The following CAP1 variants were observed in gnomAD, a reference collection of about 807,000 sequenced individuals.
The protein encoded by CAP1 is cyclase associated actin cytoskeleton regulatory protein 1.
Under a neutral mutation model 58.2 loss-of-function variants are expected in CAP1, and 11 were observed. That is an observed-to-expected ratio of 0.19 (90% CI 0.12 to 0.31). CAP1 has a LOEUF of 0.31. Ranked by LOEUF, CAP1 falls within the 10% of genes least tolerant of loss-of-function variation. The probability of loss-of-function intolerance (pLI) is 1.00; values close to 1 mark genes in which losing one functional copy is unlikely to be tolerated. For missense variants in CAP1, 423 were observed against 587.5 expected (o/e 0.72, Z 2.89); for synonymous variants, 183 against 213.8 (o/e 0.86, Z 1.26).
chr1:40,055,001 A>G (rs904743138), intron 1 of CAP1, among the ~76,000 whole-genome samples: 10 of 152,202 alleles, frequency 6.6e-5, no homozygotes, highest in African/African-American at 2.4e-4. Context: ...TGACACAGAT[A>G]AGTGCACAGT....
In CAP1 at chr1:40,053,116, C is replaced by T. The variant is rs548270553; in HGVS notation, c.-10-6221C>T. ...GCAGGTGCCTGTAGTCCCAGCTACT[C>T]GGGAAGCTGAGGCAGGAGAATTGCT... On this transcript the variant is annotated intron_variant, in intron 1 of 12. Transcript: ENST00000372805. Among the ~76,000 whole-genome samples the T allele has an allele frequency of 3.9e-5, 6 of 152,046 alleles. No individual in the cohort carries two copies. The South Asian group carries it at 6.2e-4, about 16-fold the overall frequency.
rs573463370 is a variant in CAP1 at position 40,051,594 on chromosome 1, G to A, written c.-10-7743G>A. Among the ~76,000 whole-genome samples, 59 of 152,006 alleles carry A rather than the reference G, an allele frequency of 3.9e-4. 1 individual carries two copies. Among genetic ancestry groups the A allele is most frequent in the African/African-American group, 1.3e-3 (56 of 41,486 alleles). ...TTTTTGTTTTGTTTTTTTGTTTTTTGAGATGGAGTCTCACTCTGTCGCCCA... is the reference window on the plus strand; with the variant it reads ...TTTTTGTTTTGTTTTTTTGTTTTTTAAGATGGAGTCTCACTCTGTCGCCCA... On this transcript the variant is annotated intron_variant, in intron 1 of 12. Coordinates refer to ENST00000372805, the MANE Select transcript of CAP1 (RefSeq NM_006367.4).
At chr1:40,065,001 A>G (rs1394045604) in intron 6 of CAP1, among the ~76,000 whole-genome samples, 1 of 152,110 alleles carries the variant, frequency 6.6e-6, no homozygotes, top group Non-Finnish European at 1.5e-5. Context: ...CTTTACAGAT[A>G]TTGTCTCACA....
chr1:40,059,589 C>A, intron 2 of CAP1, 131 bp downstream of exon 2: 1 of 613,468 alleles, frequency 1.6e-6, no homozygotes, highest in Non-Finnish European at 3.0e-6. Context: ...ATTTGTATTG[C>A]TGTGAACAGA....
At chr1:40,070,305 C>T (rs748419877) in intron 10 of CAP1, 23 bp downstream of exon 10, 31 of 1,613,670 alleles carry the variant, frequency 1.9e-5, no homozygotes, top group South Asian at 8.8e-5. Context: ...CGCTGTCCCA[C>T]GCAAGCCCCG....
chr1:40,054,150 T>C (rs1646505936), intron 1 of CAP1, among the ~76,000 whole-genome samples: 1 of 152,048 alleles, frequency 6.6e-6, no homozygotes, highest in Non-Finnish European at 1.5e-5. Flanking sequence ...AGAGCCTTTA[T>C]TTATTTATTT....
chr1:40,059,430 C>T lies in CAP1; in HGVS notation c.84C>T (p.His28=), dbSNP rs1236024725. The T allele has an allele frequency of 6.2e-7, 1 of 1,610,336 alleles. No homozygotes were observed. Among genetic ancestry groups the T allele is most frequent in the Non-Finnish European group, 8.5e-7 (1 of 1,176,570 alleles). Residue 28 remains histidine (H), a synonymous_variant, in exon 2 of 13, where the codon CAC becomes CAT. Transcript: ENST00000372805. ...LEAVSHTSDM[H]RGYADSPSKA... ...CAGTATCTCATACCTCTGACATGCA[C>T]CGTGGGTATGCAGACAGTCCTTCAA...
At chr1:40,061,714 G>A in intron 3 of CAP1, 21 bp from the exon 4 acceptor site, 1 of 1,606,586 alleles carries the variant, frequency 6.2e-7, no homozygotes, top group Non-Finnish European at 8.5e-7. Context: ...GTCATCAATA[G>A]CTGATTCTTC....
At position 40,070,754 on chromosome 1, in the gene CAP1, C is replaced by T. The variant is rs1194483531; in HGVS notation, c.1201-82C>T. On this transcript the variant is annotated intron_variant, in intron 11 of 12. Transcript: ENST00000372805. ...AGCTTTTCATGTAGTTGCTGAGTCA[C>T]GTGAAACAGGAAACCTTTTCCTGCG... 70 of 1,287,486 alleles carry T rather than the reference C, an allele frequency of 5.4e-5. No individual in the cohort carries two copies. The Middle Eastern group carries it at 8.3e-4, about 15-fold the overall frequency. 79.8% of individuals were successfully genotyped at this position (1,287,486 alleles called of 1,614,324 possible).
At chr1:40,058,897 C>T (rs1646729525) in intron 1 of CAP1, among the ~76,000 whole-genome samples, 1 of 152,076 alleles carries the variant, frequency 6.6e-6, no homozygotes, top group African/African-American at 2.4e-5. Context: ...TGTGACTAGA[C>T]AAGTCATTTA....
chr1:40,051,664 C>T (rs1025436160), intron 1 of CAP1, among the ~76,000 whole-genome samples: 28 of 152,170 alleles, frequency 1.8e-4, no homozygotes, highest in African/African-American at 6.5e-4. Flanking sequence ...CAAGCTCCGC[C>T]TCCCGGGTTC....
At chr1:40,064,681 T>A in intron 6 of CAP1, 122 bp downstream of exon 6, 1 of 730,872 alleles carries the variant, frequency 1.4e-6, no homozygotes. Context: ...GCTCAAACAA[T>A]CCTCCCACCT....
intron 1 of CAP1, among the ~76,000 whole-genome samples, chr1:40,058,013 A>G (rs544475852): frequency 6.6e-6 from 1 of 152,330 alleles, no homozygotes; most frequent in East Asian, 1.9e-4. Context: ...AACTTCATAA[A>G]TATTTATTGA....
intron 10 of CAP1, 30 bp downstream of exon 10, chr1:40,070,312 C>A: frequency 6.2e-7 from 1 of 1,613,690 alleles, no homozygotes. Flanking sequence ...CCACGCAAGC[C>A]CCGTCCCAGA....
At chr1:40,065,822 C>A (rs12059244) in intron 6 of CAP1, among the ~76,000 whole-genome samples, 4,285 of 152,214 alleles carry the variant, frequency 0.028, 202 homozygotes, top group African/African-American at 0.095. Flanking sequence ...TAAGAGCTCT[C>A]CTCTCTACCA....
intron 1 of CAP1, among the ~76,000 whole-genome samples, chr1:40,049,453 T>C (rs4375260): frequency 0.14 from 21,510 of 151,834 alleles, 1,828 homozygotes; most frequent in African/African-American, 0.24. Flanking sequence ...TCAGGTTATC[T>C]ACCCGCCTCA....
intron 1 of CAP1, chr1:40,057,424 G>A (rs970934322): frequency 6.6e-6 from 1 of 152,088 alleles, no homozygotes; most frequent in East Asian, 1.9e-4. Flanking sequence ...GACTGCTTAT[G>A]GTCTGCTCTA....
chr1:40,061,681 C>G, intron 3 of CAP1, 54 bp from the exon 4 acceptor site: 1 of 1,448,596 alleles, frequency 6.9e-7, no homozygotes, highest in Non-Finnish European at 9.7e-7. Context: ...TTATTCTTAT[C>G]AAGACTTCTC....
At chr1:40,060,291 A>C in intron 3 of CAP1, 121 bp downstream of exon 3, 2 of 651,566 alleles carry the variant, frequency 3.1e-6, no homozygotes, top group Non-Finnish European at 5.4e-6. Context: ...GGGGCATTAC[A>C]CATGTTCTTT....
Sources: gnomAD v4.1 joint callset for allele counts (sites outside exome capture counted in the v4.1 genomes callset) on GRCh38, gnomAD v4.1.1 for gene constraint, MANE v1.5 for transcripts, NCBI Gene and HGNC (gene_info 2026-07-23, HGNC 2026-07-21) for gene names.